The following UBE2U variants were observed in gnomAD, a reference collection of about 807,000 sequenced individuals.
UBE2U encodes the protein ubiquitin-conjugating enzyme E2 U.
A neutral mutation model predicts 41.2 loss-of-function variants in UBE2U; 39 were observed. The observed-to-expected ratio is 0.95, with a 90% CI of 0.73 to 1.24. The LOEUF is 1.24. UBE2U is among the 50% of genes most tolerant of loss of function. The probability of loss-of-function intolerance (pLI) is 0.00; values close to 1 mark genes in which losing one functional copy is unlikely to be tolerated. For synonymous variants in UBE2U, 107 were observed against 117.8 expected (o/e 0.91, Z 0.60); for missense variants, 336 against 363.1 (o/e 0.93, Z 0.61).
intron 8 of UBE2U, among the ~76,000 whole-genome samples, chr1:64,253,882 CATG>C (rs1400216006): frequency 6.6e-6 from 1 of 152,172 alleles, no homozygotes; most frequent in Non-Finnish European, 1.5e-5. Context: ...CAGCTAGCAT[CATG>C]ATGACAGGAT....
chr1:64,226,408 T>C (rs1245386757), intron 6 of UBE2U, among the ~76,000 whole-genome samples: 1 of 152,228 alleles, frequency 6.6e-6, no homozygotes, highest in African/African-American at 2.4e-5. Flanking sequence ...TCTGGAATAA[T>C]GAAAATACTC....
At chr1:64,244,079 G>A (rs371589943) in intron 8 of UBE2U, 11 of 1,308,238 alleles carry the variant, frequency 8.4e-6, no homozygotes, top group Middle Eastern at 1.8e-4. Context: ...CATAAAGTTC[G>A]CTATTATTCA....
At chr1:64,233,426 A>G (rs1420239987) in intron 7 of UBE2U, among the ~76,000 whole-genome samples, 1 of 152,210 alleles carries the variant, frequency 6.6e-6, no homozygotes, top group African/African-American at 2.4e-5. Flanking sequence ...TCTTTTGTAT[A>G]GAGCCCTGGA....
intron 7 of UBE2U, among the ~76,000 whole-genome samples, chr1:64,241,239 A>G (rs1227833814): frequency 6.6e-6 from 1 of 152,012 alleles, no homozygotes; most frequent in Non-Finnish European, 1.5e-5. Flanking sequence ...TTTTGAAAAA[A>G]CTGATCTGCT....
chr1:64,204,605 A>C (rs1569930414), intron 1 of UBE2U, among the ~76,000 whole-genome samples: 1 of 152,188 alleles, frequency 6.6e-6, no homozygotes, highest in South Asian at 2.1e-4. Flanking sequence ...ATGACACATA[A>C]ATGCCTTCCC....
At chr1:64,256,150 C>A (rs773487201) in intron 8 of UBE2U, among the ~76,000 whole-genome samples, 1 of 152,148 alleles carries the variant, frequency 6.6e-6, no homozygotes, top group Non-Finnish European at 1.5e-5. Context: ...ACATTCCATG[C>A]TCATGGATAG....
At chr1:64,231,900 ATC>A (rs1370536401) in intron 6 of UBE2U, among the ~76,000 whole-genome samples, 1 of 152,226 alleles carries the variant, frequency 6.6e-6, no homozygotes, top group East Asian at 1.9e-4. Flanking sequence ...AGTGTTGAGA[ATC>A]TCTGCAAGTT....
At chr1:64,239,206 G>T (rs1353971657) in intron 7 of UBE2U, among the ~76,000 whole-genome samples, 1 of 147,472 alleles carries the variant, frequency 6.8e-6, no homozygotes, top group Non-Finnish European at 1.5e-5. Context: ...CCCAGACAAG[G>T]ACAAGACTGG....
At chr1:64,252,768 T>A (rs1159366193) in intron 8 of UBE2U, among the ~76,000 whole-genome samples, 2 of 151,918 alleles carry the variant, frequency 1.3e-5, no homozygotes, top group Non-Finnish European at 2.9e-5. Context: ...GTCAGCAACC[T>A]CAAAGATTAA....
intron 7 of UBE2U, among the ~76,000 whole-genome samples, chr1:64,237,895 C>T (rs2100421525): frequency 6.6e-6 from 1 of 152,094 alleles, no homozygotes; most frequent in South Asian, 2.1e-4. Flanking sequence ...TGAGGAAAGG[C>T]AATTTCAAAA....
chr1:64,254,131 A>T (rs796864479), intron 8 of UBE2U, among the ~76,000 whole-genome samples: 1 of 152,232 alleles, frequency 6.6e-6, no homozygotes, highest in South Asian at 2.1e-4. Context: ...CTGAAAACAG[A>T]CTTTAAACCA....
At chr1:64,250,454 C>A (rs985312492) in intron 8 of UBE2U, among the ~76,000 whole-genome samples, 2 of 152,104 alleles carry the variant, frequency 1.3e-5, no homozygotes, top group African/African-American at 4.8e-5. Flanking sequence ...AAACACTTCC[C>A]AGCACGTTAC....
chr1:64,204,777 A>G (rs527934632), intron 1 of UBE2U, among the ~76,000 whole-genome samples: 1 of 152,338 alleles, frequency 6.6e-6, no homozygotes, highest in East Asian at 1.9e-4. Flanking sequence ...AAAGCTGTCC[A>G]TGAAAGGTAT....
chr1:64,220,177 A>G (rs1452760833), intron 5 of UBE2U, among the ~76,000 whole-genome samples: 2 of 152,108 alleles, frequency 1.3e-5, no homozygotes, highest in African/African-American at 4.8e-5. Flanking sequence ...AGAATTATTC[A>G]GTGAGAACCT....
chr1:64,265,785 G>T (rs1274259009), intron 9 of UBE2U, among the ~76,000 whole-genome samples: 1 of 152,074 alleles, frequency 6.6e-6, no homozygotes, highest in Non-Finnish European at 1.5e-5. Context: ...ACCATGTTGG[G>T]CAGGCTGGTC....
intron 5 of UBE2U, among the ~76,000 whole-genome samples, chr1:64,216,846 C>A (rs1462391878): frequency 6.6e-6 from 1 of 152,208 alleles, no homozygotes; most frequent in Non-Finnish European, 1.5e-5. Context: ...GTCTGATGAC[C>A]TTCCCATTTC....
rs1569956361 is a variant in UBE2U at position 64,210,819 on chromosome 1, A to T, written c.319A>T (p.Ser107Cys). The T allele has an allele frequency of 6.2e-7, 1 of 1,605,694 alleles. No individual in the cohort carries two copies. Among genetic ancestry groups the T allele is most frequent in the East Asian group, 2.2e-5 (1 of 44,568 alleles). ...EKWNTNYTLS[S>C]ILLALQVMLS... Reference sequence around the variant, plus strand: ...GTGGAATACAAACTATACATTGAGCAGCATCTTACTTGCCCTACAGGTAAG... The same window carrying T: ...GTGGAATACAAACTATACATTGAGCTGCATCTTACTTGCCCTACAGGTAAG... The change falls in exon 4 of 10, where the codon AGC becomes TGC. Residue 107 changes from serine to cysteine, a missense_variant. Physicochemically the swap from Ser to Cys is moderately radical, Grantham distance 112. Transcript: ENST00000371077.
chr1:64,253,502 G>T (rs765770522), intron 8 of UBE2U, among the ~76,000 whole-genome samples: 7 of 150,208 alleles, frequency 4.7e-5, no homozygotes, highest in Non-Finnish European at 7.4e-5. Context: ...AAAATGTTCA[G>T]GGAAGACAGA....
At chr1:64,255,209 G>T (rs1483879064) in intron 8 of UBE2U, among the ~76,000 whole-genome samples, 3 of 151,972 alleles carry the variant, frequency 2.0e-5, no homozygotes, top group Non-Finnish European at 4.4e-5. Flanking sequence ...ACCTTCCCAA[G>T]ACTGAACCGG....
Sources: allele counts gnomAD v4.1 joint callset (sites outside exome capture counted in the v4.1 genomes callset), GRCh38; gene constraint gnomAD v4.1.1; transcripts MANE v1.5; gene names NCBI Gene and HGNC (gene_info 2026-07-23, HGNC 2026-07-21).